The following TF variants were observed in gnomAD, a reference collection of about 807,000 sequenced individuals.
The protein encoded by TF is transferrin.
In TF, 55 loss-of-function variants were observed where a neutral mutation model predicts 82.4. The ratio of observed to expected loss-of-function variants is 0.67; its 90% CI spans 0.54 to 0.84. The LOEUF is 0.84. Ranked by LOEUF, TF falls within the 40% of genes least tolerant of loss-of-function variation. The pLI is 0.00. For synonymous variants in TF, 332 were observed against 332.6 expected, an observed-to-expected ratio of 1.00 and a Z score of 0.02; for missense variants, 737 against 868.4, an observed-to-expected ratio of 0.85 and a Z score of 1.90.
At chr3:133,759,669 A>G (rs771530919) in intron 9 of TF, among the ~76,000 whole-genome samples, 2 of 152,180 alleles carry the variant, frequency 1.3e-5, no homozygotes, top group South Asian at 2.1e-4. Context: ...GTAGGATCCA[A>G]TCAGGTACAA....
At position 133,778,720 on chromosome 3, in the gene TF, G is replaced by A. The variant is rs1393008247; in HGVS notation, c.*100G>A. Reference sequence around the variant, plus strand: ...GGCCCAAGTGGTTTGTGCTAACCACGTCTGTCTTCACAGCTCTGTGTTGCC... The same window carrying A: ...GGCCCAAGTGGTTTGTGCTAACCACATCTGTCTTCACAGCTCTGTGTTGCC... On this transcript the variant is annotated 3_prime_UTR_variant, in exon 17 of 17. Coordinates refer to ENST00000402696, the MANE Select transcript of TF (RefSeq NM_001063.4). 1.4e-5 allele frequency: 17 copies of A among 1,245,524 alleles called. No homozygotes were observed. The highest frequency in any genetic ancestry group is 2.4e-5 in the East Asian group (1 of 41,094). 77.2% of individuals were successfully genotyped at this position (1,245,524 alleles called of 1,614,324 possible).
chr3:133,677,646 A>G, the TF span, among the ~76,000 whole-genome samples: 3 of 152,128 alleles, frequency 2.0e-5, no homozygotes, highest in East Asian at 3.9e-4. Flanking sequence ...TCAAAAACAA[A>G]AAACAATAAA....
chr3:133,742,210 G>A (rs1431904830), upstream of TF, among the ~76,000 whole-genome samples: 1 of 152,094 alleles, frequency 6.6e-6, no homozygotes, highest in Non-Finnish European at 1.5e-5. Flanking sequence ...TTGAACTCGT[G>A]AGCTCAAGCA....
the TF span, among the ~76,000 whole-genome samples, chr3:133,667,209 TAACTG>T: frequency 2.7e-3 from 411 of 151,916 alleles, 2 homozygotes; most frequent in African/African-American, 9.2e-3. Context: ...TTTTTAAAAT[TAACTG>T]AGTGTGGAGG....
chr3:133,722,725 G>A, the TF span, among the ~76,000 whole-genome samples: 1 of 152,076 alleles, frequency 6.6e-6, no homozygotes, highest in Non-Finnish European at 1.5e-5. Flanking sequence ...CTTTATCTAT[G>A]ATGTGTTCCT....
At chr3:133,722,203 A>G in the TF span, among the ~76,000 whole-genome samples, 1 of 151,512 alleles carries the variant, frequency 6.6e-6, no homozygotes, top group African/African-American at 2.4e-5. Context: ...TTTTTGACTT[A>G]ATGTCTATTT....
chr3:133,682,758 G>GAA, the TF span, among the ~76,000 whole-genome samples: 92,511 of 151,804 alleles, frequency 0.61, 29,226 homozygotes, highest in African/African-American at 0.78. Flanking sequence ...GTGACGGGGA[G>GAA]TGGAACCAAG....
At chr3:133,708,870 G>A in the TF span, among the ~76,000 whole-genome samples, 6 of 151,744 alleles carry the variant, frequency 4.0e-5, no homozygotes, top group Non-Finnish European at 7.4e-5. Flanking sequence ...CATCACTGAG[G>A]GGTCAGTAAA....
the TF span, among the ~76,000 whole-genome samples, chr3:133,676,808 C>T: frequency 3.9e-5 from 6 of 152,252 alleles, no homozygotes; most frequent in East Asian, 1.9e-4. Context: ...CTCTGTCTCT[C>T]GTCCTGGCAA....
At chr3:133,775,329 G>A (rs1416390544) in intron 14 of TF, 104 bp from the exon 15 acceptor site, 5 of 1,202,834 alleles carry the variant, frequency 4.2e-6, no homozygotes, top group Admixed American at 1.7e-5. Context: ...ACTTCTGCTG[G>A]CGAGAAGGCC....
chr3:133,765,862 G>A (rs554996069), intron 11 of TF, among the ~76,000 whole-genome samples: 2 of 152,010 alleles, frequency 1.3e-5, no homozygotes, highest in Non-Finnish European at 2.9e-5. Flanking sequence ...GAAAATGTTT[G>A]GCTCAGTTTT....
the TF span, among the ~76,000 whole-genome samples, chr3:133,693,667 C>A: frequency 2.0e-5 from 3 of 152,124 alleles, no homozygotes; most frequent in Non-Finnish European, 2.9e-5. Context: ...CCACCTCCTA[C>A]CCCCTCCTCG....
the TF span, among the ~76,000 whole-genome samples, chr3:133,684,344 A>G: frequency 1.3e-5 from 2 of 152,212 alleles, no homozygotes; most frequent in Non-Finnish European, 2.9e-5. Flanking sequence ...GCAAGAAATA[A>G]CTAAGATCAG....
chr3:133,723,803 C>T, the TF span, among the ~76,000 whole-genome samples: 1 of 151,858 alleles, frequency 6.6e-6, no homozygotes, highest in East Asian at 1.9e-4. Context: ...GCTATCCCTC[C>T]CCCTTCCCCA....
the TF span, among the ~76,000 whole-genome samples, chr3:133,731,968 T>C: frequency 6.6e-6 from 1 of 152,206 alleles, no homozygotes; most frequent in Non-Finnish European, 1.5e-5. Flanking sequence ...GAAAAAGTCC[T>C]GCTAGGATCT....
chr3:133,718,882 A>G, the TF span, among the ~76,000 whole-genome samples: 2 of 152,162 alleles, frequency 1.3e-5, no homozygotes, highest in Admixed American at 6.5e-5. Context: ...CTCATTCAGG[A>G]CTGGGATTCT....
the TF span, among the ~76,000 whole-genome samples, chr3:133,733,367 C>T: frequency 6.6e-6 from 1 of 152,196 alleles, no homozygotes; most frequent in Non-Finnish European, 1.5e-5. Flanking sequence ...TGACTACTAA[C>T]CTCCTTCCCA....
rs1348074990 is a variant in TF at position 133,791,783 on chromosome 3, T to C, written c.*13163T>C. On this transcript the variant is annotated 3_prime_UTR_variant, in exon 17 of 17. Transcript: ENST00000402696. Reference sequence around the variant, plus strand: ...CACAGTGGCAGCCTGGGTTTAGGGTTCAATTCCTGGCTTAGGGAATGAGTC... The same window carrying C: ...CACAGTGGCAGCCTGGGTTTAGGGTCCAATTCCTGGCTTAGGGAATGAGTC... 6.6e-6 allele frequency: 1 copy of C among 152,212 alleles called. No homozygotes were observed. The highest frequency in any genetic ancestry group is 1.9e-4 in the East Asian group (1 of 5,200). 9.4% of individuals were successfully genotyped at this position (152,212 alleles called of 1,614,324 possible).
chr3:133,683,446 C>T, the TF span, among the ~76,000 whole-genome samples: 1 of 152,092 alleles, frequency 6.6e-6, no homozygotes, highest in African/African-American at 2.4e-5. Context: ...GTGCTGTATT[C>T]AGAAGACCCA....
Sources: gnomAD v4.1 joint callset for allele counts (sites outside exome capture counted in the v4.1 genomes callset) on GRCh38, gnomAD v4.1.1 for gene constraint, MANE v1.5 for transcripts, NCBI Gene and HGNC (gene_info 2026-07-23, HGNC 2026-07-21) for gene names.